Variants in KCTD17 observed in about 807,000 individuals in gnomAD.
The protein encoded by KCTD17 is BTB/POZ domain-containing protein KCTD17.
Under a neutral mutation model 41.5 loss-of-function variants are expected in KCTD17, and 20 were observed. The ratio of observed to expected loss-of-function variants is 0.48; its 90% CI spans 0.34 to 0.70. The LOEUF (loss-of-function observed/expected upper bound fraction) is 0.70. KCTD17 is among the 30% of genes least tolerant of loss of function. The probability of loss-of-function intolerance (pLI) is 0.01; values close to 1 mark genes in which losing one functional copy is unlikely to be tolerated. For missense variants in KCTD17, 317 were observed against 427.2 expected (o/e 0.74, Z 2.27); for synonymous variants, 156 against 173.8 (o/e 0.90, Z 0.80).
intron 8 of KCTD17, chr22:37,062,306 C>T (rs1306883285): frequency 1.0e-6 from 1 of 985,094 alleles, no homozygotes; most frequent in African/African-American, 1.7e-5. Flanking sequence ...GTTGGGGAGC[C>T]CTTGCTGCTC....
At position 37,061,005 on chromosome 22, in the gene KCTD17, G is replaced by T. The variant is rs1304810802; in HGVS notation, c.712+83G>T. 10 of 1,545,018 alleles carry T rather than the reference G, an allele frequency of 6.5e-6. No individual in the cohort carries two copies. The highest frequency in any genetic ancestry group is 2.4e-5 in the East Asian group (1 of 40,838). On this transcript the variant is annotated intron_variant, in intron 6 of 8. Transcript: ENST00000403888. This position sits in a 1 kb window ranked among gnomAD's most constrained non-coding sequence, Gnocchi z 6.6. ...CCTTGCTGGAGCCAGCTGCAGAACC[G>T]GGGGCCCCGGGGCTGCTGGGGGGGC...
rs1925743442 is a variant in KCTD17 at position 37,061,257 on chromosome 22, G to A, written c.784+82G>A. Reference sequence around the variant, plus strand: ...CTCTTCCCTCTCTGCCCCTGTCCGGGTTTTCTCTCTGCCTGCTCACGCCTC... The same window carrying A: ...CTCTTCCCTCTCTGCCCCTGTCCGGATTTTCTCTCTGCCTGCTCACGCCTC... On this transcript the variant is annotated intron_variant, in intron 7 of 8. Coordinates refer to ENST00000403888, the MANE Select transcript of KCTD17 (RefSeq NM_001282684.2). This position sits in a 1 kb window ranked among gnomAD's most constrained non-coding sequence, Gnocchi z 6.6. 2.6e-6 allele frequency: 4 copies of A among 1,543,702 alleles called. No individual in the cohort carries two copies. The highest frequency in any genetic ancestry group is 3.5e-6 in the Non-Finnish European group (4 of 1,146,498).
intron 2 of KCTD17, among the ~76,000 whole-genome samples, chr22:37,054,440 A>G (rs7287067): frequency 7.0e-5 from 10 of 143,258 alleles, no homozygotes; most frequent in African/African-American, 2.5e-4. Flanking sequence ...GGGGGCTAGG[A>G]GATCACACAG....
rs1925807709 is a variant in KCTD17 at position 37,061,604 on chromosome 22, G to A, written c.850G>A (p.Ala284Thr). ...AGTGAGGGCTTCTCCTCGGCCCCTC[G>A]CCCGCCCCCAGAGCTGCCATCCCTG... The part of the protein sequence containing the change: ...LAVRASPRPL[A>T]RPQSCHPCCY... The change falls in exon 8 of 9, where the codon GCC (alanine) becomes ACC (threonine). Residue 284 changes from alanine to threonine, a missense_variant. Physicochemically the swap from Ala to Thr is moderately conservative, Grantham distance 58. Transcript: ENST00000403888. The surrounding 1 kb of genome is among the most constrained non-coding windows in gnomAD (Gnocchi z 6.6). The A allele has an allele frequency of 5.6e-6, 9 of 1,599,786 alleles. No homozygotes were observed. The highest frequency in any genetic ancestry group is 7.6e-6 in the Non-Finnish European group (9 of 1,179,296).
chr22:37,061,091 T>C lies in KCTD17; in HGVS notation c.713-13T>C, dbSNP rs959321286. 6.4e-7 allele frequency: 1 copy of C among 1,551,508 alleles called. No homozygotes were observed. Among genetic ancestry groups the C allele is most frequent in the Non-Finnish European group, 8.7e-7 (1 of 1,146,922 alleles). ...CCCGCATAACCATCCCTTCTCTCAC[T>C]TTCTCTTTGCAGCCCAGTCATCTCA... On this transcript the variant is annotated splice_polypyrimidine_tract_variant and intron_variant, in intron 6 of 8. Transcript: ENST00000403888. The surrounding 1 kb of genome is among the most constrained non-coding windows in gnomAD (Gnocchi z 6.6).
In KCTD17 at chr22:37,053,499, G is replaced by A. The variant is rs993671714; in HGVS notation, c.298+291G>A. On this transcript the variant is annotated intron_variant, in intron 2 of 8. Coordinates refer to ENST00000403888, the MANE Select transcript of KCTD17 (RefSeq NM_001282684.2). The surrounding 1 kb of genome is among the most constrained non-coding windows in gnomAD (Gnocchi z 4.1). ...TGTGGCCTCTGCTGTGGGCTGTGAC[G>A]CCCTTTCTCTCTGGCCTCCTAGGAA... is the stretch of plus-strand genomic sequence containing the variant. 2.0e-5 allele frequency among the ~76,000 whole-genome samples: 3 copies of A among 152,204 alleles called. No individual in the cohort carries two copies. Among genetic ancestry groups the A allele is most frequent in the African/African-American group, 2.4e-5 (1 of 41,458 alleles).
Position 37,053,310 on chromosome 22 carries a change from T to C in KCTD17, c.298+102T>C. 1.1e-6 allele frequency: 1 copy of C among 882,166 alleles called. No individual in the cohort carries two copies. Among genetic ancestry groups the C allele is most frequent in the South Asian group, 1.5e-5 (1 of 67,926 alleles). The allele number at this position is 882,166 out of a possible 1,614,324, so 54.6% of individuals were successfully genotyped here. On this transcript the variant is annotated intron_variant, in intron 2 of 8. Coordinates refer to ENST00000403888, the MANE Select transcript of KCTD17 (RefSeq NM_001282684.2). This position sits in a 1 kb window ranked among gnomAD's most constrained non-coding sequence, Gnocchi z 4.1. ...ACAACCAGGACGGCCATCTGCCTGC[T>C]TGGTTGTTTCCTGCCTCTTCCCAGT...
In KCTD17 at chr22:37,062,691, C is replaced by T. The variant is rs1308642739; in HGVS notation, c.*97C>T. On this transcript the variant is annotated 3_prime_UTR_variant, in exon 9 of 9. Coordinates refer to ENST00000403888, the MANE Select transcript of KCTD17 (RefSeq NM_001282684.2). ...TCTGTCTGCACCCGTGGGGCTGTGA[C>T]TTACTCCTGCCTCCAGGGGCGGGGC... 1.9e-6 allele frequency: 3 copies of T among 1,540,430 alleles called. No individual in the cohort carries two copies. The highest frequency in any genetic ancestry group is 2.2e-4 in the Middle Eastern group (1 of 4,644).
At chr22:37,052,475 C>T in intron 1 of KCTD17, 1 of 456,964 alleles carries the variant, frequency 2.2e-6, no homozygotes, top group Non-Finnish European at 4.5e-6. Context: ...GACCTTGAGT[C>T]GGACCCTTCC....
In KCTD17 at chr22:37,051,786, C is replaced by G. The variant is rs1924503197; in HGVS notation, c.26C>G (p.Ala9Gly). The G allele has an allele frequency of 8.0e-7, 1 of 1,251,734 alleles. No homozygotes were observed. The highest frequency in any genetic ancestry group is 1.6e-5 in the African/African-American group (1 of 64,090). 77.5% of individuals were successfully genotyped at this position (1,251,734 alleles called of 1,614,324 possible). A position where few individuals can be genotyped will look rare whatever the true frequency, so the allele number is the denominator to read the frequency against. Reference sequence around the variant, plus strand: ...ATGAGGATGGAGGCCGGGGAGGCAGCGCCGCCGGCGGGGGCGGGCGGCCGC... The same window carrying G: ...ATGAGGATGGAGGCCGGGGAGGCAGGGCCGCCGGCGGGGGCGGGCGGCCGC... MRMEAGEA[A>G]PPAGAGGRAA... Residue 9 changes from alanine (A) to glycine (G), a missense_variant, in exon 1 of 9, where the codon GCG (alanine) becomes GGG (glycine). Physicochemically the swap from Ala to Gly is moderately conservative, Grantham distance 60. Coordinates refer to ENST00000403888, the MANE Select transcript of KCTD17 (RefSeq NM_001282684.2).
At chr22:37,056,550 G>C (rs1925138893) in intron 3 of KCTD17, 139 bp downstream of exon 3, 1 of 674,802 alleles carries the variant, frequency 1.5e-6, no homozygotes, top group Admixed American at 2.6e-5. Context: ...GGCCTGTAAG[G>C]AGAGGCATGG....
At position 37,053,872 on chromosome 22, in the gene KCTD17, G is replaced by C. The variant is rs761720526; in HGVS notation, c.298+664G>C. ...CGACCTGTTAGCAGAGCTGCAGCCAGGGGCAAGGACTACAGTCAGTGCCAA... is the reference window on the plus strand; with the variant it reads ...CGACCTGTTAGCAGAGCTGCAGCCACGGGCAAGGACTACAGTCAGTGCCAA... On this transcript the variant is annotated intron_variant, in intron 2 of 8. Coordinates refer to ENST00000403888, the MANE Select transcript of KCTD17 (RefSeq NM_001282684.2). This position sits in a 1 kb window ranked among gnomAD's most constrained non-coding sequence, Gnocchi z 4.1. 3.9e-5 allele frequency among the ~76,000 whole-genome samples: 6 copies of C among 152,214 alleles called. No homozygotes were observed. Among genetic ancestry groups the C allele is most frequent in the Non-Finnish European group, 5.9e-5 (4 of 68,030 alleles).
rs1005777704 is a variant in KCTD17 at position 37,060,718 on chromosome 22, CT to C, written c.613-102del. The C allele has an allele frequency of 4.0e-5, 56 of 1,414,512 alleles. No individual in the cohort carries two copies. In the Admixed American group the frequency reaches 4.7e-4, roughly 12 times the overall value. The allele number at this position is 1,414,512 out of a possible 1,614,324, so 87.6% of individuals were successfully genotyped here. Reference sequence around the variant, plus strand: ...GGAGCCCTCCCCTCTCCTGAGGTCCCTTTCACCTTGCCTGAGACCGGGTCTT... The same window carrying C: ...GGAGCCCTCCCCTCTCCTGAGGTCCCTTCACCTTGCCTGAGACCGGGTCTT... On this transcript the variant is annotated intron_variant, in intron 5 of 8. Transcript: ENST00000403888.
chr22:37,057,239 G>T, intron 3 of KCTD17, 159 bp from the exon 4 acceptor site: 1 of 690,650 alleles, frequency 1.4e-6, no homozygotes, highest in South Asian at 1.5e-5. Flanking sequence ...TGAGGAGCAG[G>T]TGCTCAGAGC....
Position 37,063,237 on chromosome 22 carries a change from TG to T in KCTD17, c.*646del, listed in dbSNP as rs1925992018. On this transcript the variant is annotated 3_prime_UTR_variant, in exon 9 of 9. Coordinates refer to ENST00000403888, the MANE Select transcript of KCTD17 (RefSeq NM_001282684.2). This position sits in a 1 kb window ranked among gnomAD's most constrained non-coding sequence, Gnocchi z 4.6. ...GGCGGGGAGAGGCAGCAGAAGGGGC[TG>T]GGCAGGGGCGGTGGAGGACTCAGGA... is the stretch of plus-strand genomic sequence containing the variant. 1 of 152,608 alleles carries T rather than the reference TG, an allele frequency of 6.6e-6. No individual in the cohort carries two copies. The allele number at this position is 152,608 out of a possible 1,614,324, so 9.5% of individuals were successfully genotyped here.
At position 37,053,147 on chromosome 22, in the gene KCTD17, G is replaced by A; in HGVS notation, c.237G>A (p.Gly79=). ...TTGACCGTGACCCCACCTACTTCGG[G>A]CCCATCCTGAACTTCCTCCGGCATG... ...YLIDRDPTYF[G]PILNFLRHGK... Residue 79 remains glycine, a synonymous_variant, in exon 2 of 9, where the codon GGG becomes GGA. Transcript: ENST00000403888. This position sits in a 1 kb window ranked among gnomAD's most constrained non-coding sequence, Gnocchi z 4.1. 6.2e-7 allele frequency: 1 copy of A among 1,604,566 alleles called. No individual in the cohort carries two copies. The highest frequency in any genetic ancestry group is 8.5e-7 in the Non-Finnish European group (1 of 1,175,838).
At chr22:37,057,374 T>C (rs1193349973) in intron 3 of KCTD17, 24 bp from the exon 4 acceptor site, 15 of 1,603,238 alleles carry the variant, frequency 9.4e-6, no homozygotes, top group Non-Finnish European at 1.3e-5. Context: ...ACAGGTGCCC[T>C]CTATGTGACC....
intron 5 of KCTD17, among the ~76,000 whole-genome samples, chr22:37,060,556 C>T (rs1016049268): frequency 1.3e-5 from 2 of 152,220 alleles, no homozygotes; most frequent in African/African-American, 4.8e-5. Context: ...TCATCCCCTC[C>T]CTCCAGCCTC....
At position 37,060,981 on chromosome 22, in the gene KCTD17, C is replaced by T. The variant is rs572763085; in HGVS notation, c.712+59C>T. The T allele has an allele frequency of 2.5e-5, 38 of 1,542,308 alleles. No homozygotes were observed. In the Admixed American group the frequency reaches 6.1e-4, roughly 25 times the overall value. On this transcript the variant is annotated intron_variant, in intron 6 of 8. Transcript: ENST00000403888. The stretch of plus-strand genomic sequence containing the variant: ...CAAAGCCGGAGCCTCCCGCCCACTC[C>T]TTGCTGGAGCCAGCTGCAGAACCGG...
Sources: gnomAD v4.1 joint callset for allele counts (sites outside exome capture counted in the v4.1 genomes callset) on GRCh38, gnomAD v4.1.1 for gene constraint, Gnocchi (gnomAD v3.1) non-coding constraint, MANE v1.5 for transcripts, NCBI Gene and HGNC (gene_info 2026-07-23, HGNC 2026-07-21) for gene names.